ROBO1: variants seen among roughly 807,000 people sequenced by gnomAD.
ROBO1 encodes roundabout homolog 1.
Under a neutral mutation model 195.9 loss-of-function variants are expected in ROBO1, and 149 were observed. The observed-to-expected ratio is 0.76, with a 90% CI of 0.67 to 0.87. The LOEUF (loss-of-function observed/expected upper bound fraction) is 0.87, where lower values mean the gene tolerates loss of function less well. Ranked by LOEUF, ROBO1 falls within the 40% of genes least tolerant of loss-of-function variation. The probability of loss-of-function intolerance (pLI) is 0.00; values close to 1 mark genes in which losing one functional copy is unlikely to be tolerated. For synonymous variants in ROBO1, 816 were observed against 733.2 expected (o/e 1.11, Z -1.82); for missense variants, 1,933 against 2,068.3 (o/e 0.93, Z 1.27).
intron 1 of ROBO1, among the ~76,000 whole-genome samples, chr3:79,622,818 G>T (rs1237943112): frequency 3.3e-5 from 5 of 152,198 alleles, no homozygotes; most frequent in Non-Finnish European, 7.3e-5. Flanking sequence ...AAAGGACAAA[G>T]TGCTTCATTA....
At position 78,815,728 on chromosome 3, in the gene ROBO1, T is replaced by C. The variant is rs150340654; in HGVS notation, c.500-68828A>G. ...CATCCATAAGAAGCAACTCCTCATCTGTTTAATTTTTTTAATGAGATTGCA... is the reference window on the plus strand; with the variant it reads ...CATCCATAAGAAGCAACTCCTCATCCGTTTAATTTTTTTAATGAGATTGCA... On this transcript the variant is annotated intron_variant, in intron 4 of 30. Coordinates refer to ENST00000464233, the MANE Select transcript of ROBO1 (RefSeq NM_002941.4). Among the ~76,000 whole-genome samples the C allele has an allele frequency of 2.6e-5, 4 of 152,310 alleles. No individual in the cohort carries two copies. In the East Asian group the frequency reaches 7.7e-4, roughly 29 times the overall value.
intron 2 of ROBO1, among the ~76,000 whole-genome samples, chr3:79,550,212 A>AAAGGAAAGGAAAGGAAAGGAAAGGAAAGG (rs56858223): frequency 8.0e-6 from 1 of 125,402 alleles, no homozygotes; most frequent in African/African-American, 3.1e-5. Context: ...AAAAGAAAAG[A>AAAGGAAAGGAAAGGAAAGGAAAGGAAAGG]AAAGAAAAGA....
At chr3:78,652,411 A>G (rs1282562510) in intron 18 of ROBO1, among the ~76,000 whole-genome samples, 1 of 152,174 alleles carries the variant, frequency 6.6e-6, no homozygotes, top group African/African-American at 2.4e-5. Context: ...AAAAAAAAAG[A>G]AATAAAATTT....
intron 18 of ROBO1, among the ~76,000 whole-genome samples, chr3:78,652,387 A>C (rs933241821): frequency 3.9e-5 from 6 of 152,172 alleles, no homozygotes; most frequent in African/African-American, 1.2e-4. Context: ...AGGCATGCTT[A>C]AATAGTATGT....
intron 8 of ROBO1, among the ~76,000 whole-genome samples, chr3:78,692,273 TTC>T (rs2107865332): frequency 6.6e-6 from 1 of 152,292 alleles, no homozygotes; most frequent in East Asian, 1.9e-4. Flanking sequence ...TTTTGTTTTT[TTC>T]TCTTTCTGAG....
chr3:78,688,065 G>A (rs1446788284), intron 9 of ROBO1, among the ~76,000 whole-genome samples: 3 of 152,144 alleles, frequency 2.0e-5, no homozygotes, highest in Non-Finnish European at 4.4e-5. Flanking sequence ...ATAAATCTCT[G>A]TATTTCAGTT....
Position 79,056,760 on chromosome 3 carries a change from C to G in ROBO1, c.172+68696G>C, listed in dbSNP as rs115278011. ...GTTATCTAGTGTACAGCTTTCTCAG[C>G]CTTTTCAGCTTCTGGTTTTCGCTTC... On this transcript the variant is annotated intron_variant, in intron 3 of 30. Coordinates refer to ENST00000464233, the MANE Select transcript of ROBO1 (RefSeq NM_002941.4). 4.7e-3 allele frequency among the ~76,000 whole-genome samples: 713 copies of G among 152,108 alleles called. 12 individuals are homozygous for G. Among genetic ancestry groups the G allele is most frequent in the African/African-American group, 0.016 (666 of 41,520 alleles).
At chr3:79,267,543 ATC>A (rs1352340452) in intron 2 of ROBO1, among the ~76,000 whole-genome samples, 1 of 147,852 alleles carries the variant, frequency 6.8e-6, no homozygotes, top group Non-Finnish European at 1.5e-5. Context: ...TTTTAAATCT[ATC>A]TCTTTTTTTT....
chr3:79,711,196 G>A (rs938441405), intron 1 of ROBO1, among the ~76,000 whole-genome samples: 7 of 152,062 alleles, frequency 4.6e-5, no homozygotes, highest in African/African-American at 1.7e-4. Flanking sequence ...CTGTAGTCCT[G>A]GATTCATTTA....
At chr3:79,460,284 T>C (rs1937588910) in intron 2 of ROBO1, among the ~76,000 whole-genome samples, 3 of 152,204 alleles carry the variant, frequency 2.0e-5, no homozygotes, top group Admixed American at 6.5e-5. Context: ...GTAACACTGA[T>C]TGTAAATATC....
intron 1 of ROBO1, among the ~76,000 whole-genome samples, chr3:79,721,504 A>G (rs1210424097): frequency 1.3e-5 from 2 of 152,154 alleles, no homozygotes; most frequent in East Asian, 1.9e-4. Flanking sequence ...CGGACACATT[A>G]TTGTCACCAA....
At chr3:79,411,764 T>G (rs1389487681) in intron 2 of ROBO1, among the ~76,000 whole-genome samples, 1 of 152,104 alleles carries the variant, frequency 6.6e-6, no homozygotes, top group Non-Finnish European at 1.5e-5. Flanking sequence ...GCCCATTTAT[T>G]TTGCATGCAC....
In ROBO1 at chr3:78,617,988, G is replaced by A; in HGVS notation, c.3929C>T (p.Thr1310Ile). Residue 1310 changes from threonine (T) to isoleucine (I), a missense_variant, in exon 27 of 31, where the codon ACC (threonine) becomes ATC (isoleucine). By Grantham distance (89) the Thr-to-Ile change is moderately conservative. Transcript: ENST00000464233. ...CAGGGGTCCTGAAATGTAGCCATAG[G>A]TATGTGGAGGGGAGATCGGCCGTGG... ...PPPRPISPPH[T>I]YGYISGPLVS... 1 of 1,613,988 alleles carries A rather than the reference G, an allele frequency of 6.2e-7. No individual in the cohort carries two copies. Among genetic ancestry groups the A allele is most frequent in the Non-Finnish European group, 8.5e-7 (1 of 1,179,878 alleles).
chr3:79,010,284 G>A (rs933012051), intron 3 of ROBO1, among the ~76,000 whole-genome samples: 1 of 152,088 alleles, frequency 6.6e-6, no homozygotes, highest in African/African-American at 2.4e-5. Context: ...TCTGAGATGA[G>A]ACAGGCTACT....
intron 2 of ROBO1, among the ~76,000 whole-genome samples, chr3:79,172,955 T>C (rs956092633): frequency 2.0e-5 from 3 of 152,172 alleles, no homozygotes; most frequent in Non-Finnish European, 4.4e-5. Flanking sequence ...ACTTCTTATA[T>C]ATCTATTTTT....
At chr3:79,008,929 G>GTGTC (rs58309796) in intron 3 of ROBO1, among the ~76,000 whole-genome samples, 4 of 143,808 alleles carry the variant, frequency 2.8e-5, no homozygotes, top group African/African-American at 1.0e-4. Context: ...GTGTGTGTGT[G>GTGTC]TATGGTTTTG....
intron 3 of ROBO1, among the ~76,000 whole-genome samples, chr3:78,976,225 A>C (rs2076882124): frequency 6.6e-6 from 1 of 152,208 alleles, no homozygotes; most frequent in Non-Finnish European, 1.5e-5. Context: ...CAAGAAAAAA[A>C]TGGATCTTCA....
At chr3:78,982,907 C>T (rs2077029819) in intron 3 of ROBO1, among the ~76,000 whole-genome samples, 2 of 152,088 alleles carry the variant, frequency 1.3e-5, no homozygotes, top group East Asian at 3.9e-4. Context: ...GTGTGAGACA[C>T]CACATCTTTT....
intron 2 of ROBO1, among the ~76,000 whole-genome samples, chr3:79,341,927 T>G (rs1307799670): frequency 6.6e-6 from 1 of 152,178 alleles, no homozygotes. Context: ...AATGAGTAAG[T>G]GGAAAATTTT....
Sources: allele counts gnomAD v4.1 joint callset (sites outside exome capture counted in the v4.1 genomes callset), GRCh38; gene constraint gnomAD v4.1.1; transcripts MANE v1.5; gene names NCBI Gene and HGNC (gene_info 2026-07-23, HGNC 2026-07-21).